The following PPARG variants were observed in gnomAD, a reference collection of about 807,000 sequenced individuals.
PPARG encodes peroxisome proliferator-activated receptor gamma.
PPARG carries 17 observed loss-of-function variants against 39.2 expected under a neutral mutation model. The observed-to-expected ratio is 0.43, with a 90% CI of 0.30 to 0.65. The LOEUF (loss-of-function observed/expected upper bound fraction) is 0.65. Ranked by LOEUF, PPARG falls within the 30% of genes least tolerant of loss-of-function variation. PPARG has a pLI of 0.13. For missense variants in PPARG, 406 were observed against 585.9 expected (o/e 0.69, Z 3.17); for synonymous variants, 223 against 215.7 (o/e 1.03, Z -0.30).
chr3:12,355,228 T>C (rs371248933), intron 2 of PPARG, among the ~76,000 whole-genome samples: 1 of 152,052 alleles, frequency 6.6e-6, no homozygotes, highest in South Asian at 2.1e-4. Flanking sequence ...TCAACCTCCC[T>C]GGGCTTCGGT....
rs188539332 is a variant in PPARG, at chr3:12,426,093, C to T, written c.1181-7805C>T. On this transcript the variant is annotated intron_variant, in intron 7 of 7. Coordinates refer to ENST00000651735, the MANE Select transcript of PPARG (RefSeq NM_138711.6). ...GAGATGAGGCAAGTTGAGATGTAAT[C>T]GCTATTTAATGGGCAGATCAAAGAA... Among the ~76,000 whole-genome samples, 479 of 152,200 alleles carry T rather than the reference C, an allele frequency of 3.1e-3. 2 individuals are homozygous for T. The highest frequency in any genetic ancestry group is 0.011 in the African/African-American group (448 of 41,508).
intron 4 of PPARG, among the ~76,000 whole-genome samples, chr3:12,384,584 G>A (rs983132316): frequency 4.6e-5 from 7 of 152,246 alleles, no homozygotes; most frequent in East Asian, 1.9e-4. Flanking sequence ...GATATTGGTA[G>A]GATGTGGTTA....
chr3:12,338,725 G>T (rs2048088439), intron 2 of PPARG, among the ~76,000 whole-genome samples: 1 of 152,012 alleles, frequency 6.6e-6, no homozygotes, highest in African/African-American at 2.4e-5. Context: ...CAACTCTTCT[G>T]TGAAACATTC....
intron 2 of PPARG, among the ~76,000 whole-genome samples, chr3:12,376,889 G>T (rs2049432949): frequency 1.3e-5 from 2 of 152,182 alleles, no homozygotes; most frequent in Non-Finnish European, 1.5e-5. Flanking sequence ...CCTATGATTT[G>T]ATGAATCCTG....
intron 2 of PPARG, among the ~76,000 whole-genome samples, chr3:12,327,317 G>A (rs2047723066): frequency 6.6e-6 from 1 of 152,228 alleles, no homozygotes; most frequent in Non-Finnish European, 1.5e-5. Flanking sequence ...AGCAGTCTAA[G>A]TGGAACTTTG....
chr3:12,306,724 G>A (rs1284634772), intron 1 of PPARG, among the ~76,000 whole-genome samples: 1 of 152,208 alleles, frequency 6.6e-6, no homozygotes, highest in Non-Finnish European at 1.5e-5. Flanking sequence ...TAAGCAACTT[G>A]AAAGTACCTG....
chr3:12,370,886 T>C (rs1412338003), intron 2 of PPARG, among the ~76,000 whole-genome samples: 1 of 152,176 alleles, frequency 6.6e-6, no homozygotes, highest in Non-Finnish European at 1.5e-5. Flanking sequence ...TTGGAATGAG[T>C]AACCAAGAGG....
intron 5 of PPARG, among the ~76,000 whole-genome samples, chr3:12,400,089 C>T (rs2050420221): frequency 6.6e-6 from 1 of 152,042 alleles, no homozygotes; most frequent in African/African-American, 2.4e-5. Flanking sequence ...GAAAAATTGA[C>T]CATAAGACAT....
intron 1 of PPARG, among the ~76,000 whole-genome samples, chr3:12,311,579 TA>T (rs1559489046): frequency 6.6e-6 from 1 of 152,166 alleles, no homozygotes; most frequent in East Asian, 1.9e-4. Context: ...GGTACAGATT[TA>T]AAAGAGAAAA....
intron 2 of PPARG, among the ~76,000 whole-genome samples, chr3:12,352,122 T>C (rs2048507427): frequency 6.6e-6 from 1 of 152,204 alleles, no homozygotes; most frequent in African/African-American, 2.4e-5. Flanking sequence ...TCAGCTCTTT[T>C]CTGTTCTATT....
chr3:12,392,789 T>G (rs1421468460), intron 5 of PPARG, 37 bp downstream of exon 5: 4 of 1,612,262 alleles, frequency 2.5e-6, no homozygotes, highest in Non-Finnish European at 3.4e-6. Context: ...TTTATTATTC[T>G]CATTATAGCT....
intron 7 of PPARG, among the ~76,000 whole-genome samples, chr3:12,422,889 A>T (rs1194584411): frequency 6.6e-6 from 1 of 152,096 alleles, no homozygotes; most frequent in Non-Finnish European, 1.5e-5. Flanking sequence ...CTCAAAAAAA[A>T]AAAAGAAAAG....
chr3:12,315,580 A>G (rs2047367582), intron 2 of PPARG, among the ~76,000 whole-genome samples: 1 of 152,240 alleles, frequency 6.6e-6, no homozygotes. Context: ...TAATTTATAG[A>G]GGAAGATTCT....
chr3:12,352,196 A>G (rs1022461382), intron 2 of PPARG, among the ~76,000 whole-genome samples: 1 of 152,234 alleles, frequency 6.6e-6, no homozygotes, highest in Admixed American at 6.5e-5. Flanking sequence ...CCCAGAGTGT[A>G]GGACCAAGTG....
At chr3:12,299,812 A>G (rs1194506182) in intron 1 of PPARG, among the ~76,000 whole-genome samples, 1 of 152,204 alleles carries the variant, frequency 6.6e-6, no homozygotes, top group Non-Finnish European at 1.5e-5. Flanking sequence ...CTTGGGAGAT[A>G]AAGTTGGCTA....
intron 2 of PPARG, among the ~76,000 whole-genome samples, chr3:12,358,170 A>G (rs148979440): frequency 6.6e-6 from 1 of 152,306 alleles, no homozygotes; most frequent in Non-Finnish European, 1.5e-5. Flanking sequence ...TTTGAATATT[A>G]ATTTAAACAT....
At chr3:12,303,310 C>T (rs1408154332) in intron 1 of PPARG, among the ~76,000 whole-genome samples, 1 of 152,078 alleles carries the variant, frequency 6.6e-6, no homozygotes, top group African/African-American at 2.4e-5. Context: ...GATTCTCCTG[C>T]CTTACCCTCC....
chr3:12,350,141 G>A (rs2125090373), intron 2 of PPARG, among the ~76,000 whole-genome samples: 1 of 152,232 alleles, frequency 6.6e-6, no homozygotes, highest in East Asian at 1.9e-4. Flanking sequence ...GAAAGGAGAA[G>A]CTCCTTTATT....
intron 1 of PPARG, among the ~76,000 whole-genome samples, chr3:12,310,107 A>C (rs1476719321): frequency 1.3e-5 from 2 of 152,188 alleles, no homozygotes; most frequent in East Asian, 3.8e-4. Context: ...GATACAGTGC[A>C]GTTCTGAATG....
Sources: gnomAD v4.1 joint callset for allele counts (sites outside exome capture counted in the v4.1 genomes callset) on GRCh38, gnomAD v4.1.1 for gene constraint, MANE v1.5 for transcripts, NCBI Gene and HGNC (gene_info 2026-07-23, HGNC 2026-07-21) for gene names.